Variants in GATA4 observed in about 807,000 individuals in gnomAD.
The protein encoded by GATA4 is GATA binding protein 4.
In GATA4, 7 loss-of-function variants were observed where a neutral mutation model predicts 37.9. That is an observed-to-expected ratio of 0.18 (90% CI 0.11 to 0.35). The LOEUF is 0.35. Among genes scored for constraint, GATA4 ranks in the 10% least tolerant of loss-of-function variants. The pLI is 1.00. For missense variants in GATA4, 647 were observed against 653.0 expected, an observed-to-expected ratio of 0.99 and a Z score of 0.10; for synonymous variants, 372 against 292.6, an observed-to-expected ratio of 1.27 and a Z score of -2.77.
intron 2 of GATA4, among the ~76,000 whole-genome samples, chr8:11,721,380 G>A (rs1800670372): frequency 6.7e-6 from 1 of 149,706 alleles, no homozygotes; most frequent in Non-Finnish European, 1.5e-5. Context: ...GTTGAGGGAT[G>A]TTAGAATGCT....
At chr8:11,722,024 A>G (rs975258543) in intron 2 of GATA4, among the ~76,000 whole-genome samples, 1 of 152,044 alleles carries the variant, frequency 6.6e-6, no homozygotes, top group Non-Finnish European at 1.5e-5. Context: ...GTTAAAAAAC[A>G]TTTTTTTGAG....
Position 11,712,855 on chromosome 8 carries a change from C to T in GATA4, c.616+3927C>T, listed in dbSNP as rs568484836. 7.5e-4 allele frequency among the ~76,000 whole-genome samples: 114 copies of T among 152,158 alleles called. 2 individuals are homozygous for T. The South Asian group carries it at 0.014, about 18-fold the overall frequency. The stretch of plus-strand genomic sequence containing the variant: ...CTACCTGGAGAACAGAGCAAAGACC[C>T]TGTCTCAAAAAAAGAAAAAGAAAAA... On this transcript the variant is annotated intron_variant, in intron 2 of 6. Coordinates refer to ENST00000532059, the MANE Select transcript of GATA4 (RefSeq NM_001308093.3).
At chr8:11,702,479 G>A (rs929898599), upstream of GATA4, among the ~76,000 whole-genome samples, 1 of 151,556 alleles carries the variant, frequency 6.6e-6, no homozygotes, top group African/African-American at 2.4e-5. This position sits in a 1 kb window ranked among gnomAD's most constrained non-coding sequence, Gnocchi z 4.4. Context: ...CGCCCCCCAC[G>A]AAGATGATTG....
intron 2 of GATA4, among the ~76,000 whole-genome samples, chr8:11,737,275 A>G (rs1471696015): frequency 6.6e-6 from 1 of 152,118 alleles, no homozygotes; most frequent in East Asian, 1.9e-4. Context: ...AGGTCACATT[A>G]TATCTCCATA....
chr8:11,727,687 A>G (rs1800998808), intron 2 of GATA4, among the ~76,000 whole-genome samples: 1 of 152,090 alleles, frequency 6.6e-6, no homozygotes, highest in Admixed American at 6.6e-5. Flanking sequence ...TACTAAAAAT[A>G]CAAAAAATTC....
At chr8:11,683,065 A>G in intron 1 of GATA4, 5 of 985,034 alleles carry the variant, frequency 5.1e-6, no homozygotes, top group Non-Finnish European at 6.0e-6. Flanking sequence ...GGTGTCTCTT[A>G]CCCCCTAGGT....
rs1183084712 is a variant in GATA4, at chr8:11,707,400, C to T, written c.-457-456C>T. On this transcript the variant is annotated intron_variant, in intron 1 of 6. Coordinates refer to ENST00000532059, the MANE Select transcript of GATA4 (RefSeq NM_001308093.3). This position sits in a 1 kb window ranked among gnomAD's most constrained non-coding sequence, Gnocchi z 4.7. ...TTGTCCTTGTCCCCCCAAGGACAAT[C>T]TAAAGTTCTTTCTAGGCCAGTCTCC... Among the ~76,000 whole-genome samples the T allele has an allele frequency of 6.6e-6, 1 of 151,750 alleles. No individual in the cohort carries two copies. The highest frequency in any genetic ancestry group is 1.5e-5 in the Non-Finnish European group (1 of 67,942).
chr8:11,745,078 G>T (rs1801961765), intron 2 of GATA4, among the ~76,000 whole-genome samples: 1 of 152,162 alleles, frequency 6.6e-6, no homozygotes, highest in South Asian at 2.1e-4. Flanking sequence ...ATTTGTTGGT[G>T]GCAAATACAT....
intron 2 of GATA4, among the ~76,000 whole-genome samples, chr8:11,716,449 G>A (rs951154234): frequency 1.3e-5 from 2 of 152,052 alleles, no homozygotes; most frequent in Admixed American, 6.6e-5. Context: ...TTATGCTCAA[G>A]CTTCCTCAAG....
In GATA4 at chr8:11,709,593, C is replaced by A. The variant is rs545136335; in HGVS notation, c.616+665C>A. ...CGGGCAGCGGGGGGGGGGGCGCACA[C>A]GCCCGGTCAGTGTCCGGGAACATAG... On this transcript the variant is annotated intron_variant, in intron 2 of 6. Coordinates refer to ENST00000532059, the MANE Select transcript of GATA4 (RefSeq NM_001308093.3). The surrounding 1 kb of genome is among the most constrained non-coding windows in gnomAD (Gnocchi z 4.3). 3.5e-5 allele frequency among the ~76,000 whole-genome samples: 5 copies of A among 142,024 alleles called. No homozygotes were observed. In the South Asian group the frequency reaches 1.1e-3, roughly 32 times the overall value. 93.2% of individuals were successfully genotyped at this position (142,024 alleles called of 152,430 possible). A position where few individuals can be genotyped will look rare whatever the true frequency, so the allele number is the denominator to read the frequency against.
chr8:11,751,962 A>G (rs192480228), intron 4 of GATA4, among the ~76,000 whole-genome samples: 44 of 152,344 alleles, frequency 2.9e-4, no homozygotes, highest in African/African-American at 9.9e-4. Flanking sequence ...ATAAAAAATA[A>G]CCAGTACATG....
intron 4 of GATA4, among the ~76,000 whole-genome samples, chr8:11,754,608 C>G (rs1802461404): frequency 6.6e-6 from 1 of 152,304 alleles, no homozygotes; most frequent in South Asian, 2.1e-4. Flanking sequence ...CTGCCTCTGT[C>G]TACTCAAAAC....
intron 4 of GATA4, among the ~76,000 whole-genome samples, chr8:11,750,555 G>A (rs529369408): frequency 2.0e-5 from 3 of 152,258 alleles, no homozygotes; most frequent in South Asian, 4.1e-4. Flanking sequence ...AAAACAGAAG[G>A]AAAGCATGAC....
chr8:11,680,592 C>G (rs1798928927), intron 1 of GATA4: 1 of 985,308 alleles, frequency 1.0e-6, no homozygotes, highest in South Asian at 4.7e-5. Flanking sequence ...TATGCCCAGC[C>G]GGGTCCGAGC....
chr8:11,682,488 T>C (rs1799003071), intron 1 of GATA4, among the ~76,000 whole-genome samples: 1 of 152,254 alleles, frequency 6.6e-6, no homozygotes, highest in Non-Finnish European at 1.5e-5. Context: ...GAATTTTATT[T>C]CATAGAATAG....
At chr8:11,722,837 C>A (rs1456728139) in intron 2 of GATA4, among the ~76,000 whole-genome samples, 1 of 152,130 alleles carries the variant, frequency 6.6e-6, no homozygotes, top group Non-Finnish European at 1.5e-5. Context: ...TGCCACCATT[C>A]CTTCTTCATT....
intron 2 of GATA4, among the ~76,000 whole-genome samples, chr8:11,735,782 A>C (rs1326135940): frequency 6.6e-6 from 1 of 152,210 alleles, no homozygotes; most frequent in Non-Finnish European, 1.5e-5. Context: ...GCTGGTCTCG[A>C]ACTCCCGACC....
At chr8:11,697,702 G>A (rs1799546510) in intron 1 of GATA4, 2 of 985,472 alleles carry the variant, frequency 2.0e-6, no homozygotes, top group South Asian at 9.4e-5. Flanking sequence ...TCGCACTTGG[G>A]CTTCGCGCTT....
upstream of GATA4, among the ~76,000 whole-genome samples, chr8:11,688,678 C>T (rs984796615): frequency 4.6e-5 from 7 of 152,150 alleles, no homozygotes; most frequent in Admixed American, 3.9e-4. Flanking sequence ...ACTAGGGGAG[C>T]CACAACTAGG....
Sources: allele counts gnomAD v4.1 joint callset (sites outside exome capture counted in the v4.1 genomes callset), GRCh38; gene constraint gnomAD v4.1.1; non-coding constraint Gnocchi (gnomAD v3.1); transcripts MANE v1.5; gene names NCBI Gene and HGNC (gene_info 2026-07-23, HGNC 2026-07-21).